Variants in MYO5A observed in about 807,000 individuals in gnomAD.
MYO5A encodes the protein myosin VA, also known as unconventional myosin-Va.
Under a neutral mutation model 249.7 loss-of-function variants are expected in MYO5A, and 98 were observed. The ratio of observed to expected loss-of-function variants is 0.39; its 90% confidence interval spans 0.33 to 0.46. The LOEUF (loss-of-function observed/expected upper bound fraction) is 0.46, where lower values mean the gene tolerates loss of function less well. Among genes scored for constraint, MYO5A ranks in the 20% least tolerant of loss-of-function variants. MYO5A has a pLI of 0.98. For synonymous variants in MYO5A, 778 were observed against 810.6 expected (o/e 0.96, Z 0.68); for missense variants, 1,696 against 2,308.8 (o/e 0.73, Z 5.44).
intron 21 of MYO5A, among the ~76,000 whole-genome samples, chr15:52,371,316 A>G (rs2041101893): frequency 6.6e-6 from 1 of 152,180 alleles, no homozygotes; most frequent in Admixed American, 6.5e-5. Flanking sequence ...CTAAAATATT[A>G]GTAACTATCT....
chr15:52,344,555 C>T (rs192910342), intron 30 of MYO5A, among the ~76,000 whole-genome samples: 2 of 152,320 alleles, frequency 1.3e-5, no homozygotes, highest in East Asian at 3.9e-4. Context: ...TCTGTCAATC[C>T]TAACTGCCAC....
rs1056360001 is a variant in MYO5A at position 52,412,219 on chromosome 15, G to T, written c.613-1743C>A. Among the ~76,000 whole-genome samples the T allele has an allele frequency of 4.6e-5, 7 of 152,264 alleles. No homozygotes were observed. In the South Asian group the frequency reaches 1.5e-3, roughly 32 times the overall value. On this transcript the variant is annotated intron_variant, in intron 5 of 41. Transcript: ENST00000399233. The stretch of plus-strand genomic sequence containing the variant: ...CAGTAACTAAGCAAGTGGAGGAAGG[G>T]TGGGCCACAGCTTCTCCTCCTTCCT...
intron 1 of MYO5A, among the ~76,000 whole-genome samples, chr15:52,476,771 C>G (rs1440938337): frequency 6.6e-6 from 1 of 152,226 alleles, no homozygotes; most frequent in Non-Finnish European, 1.5e-5. Flanking sequence ...TGCAGTTAGT[C>G]TGATGGGCTT....
chr15:52,486,853 AT>A (rs1472396568), intron 1 of MYO5A, among the ~76,000 whole-genome samples: 1 of 152,204 alleles, frequency 6.6e-6, no homozygotes, highest in Non-Finnish European at 1.5e-5. Context: ...CTGAGGCTCT[AT>A]AGAAGATTCC....
At chr15:52,417,962 T>C (rs2043590791) in intron 4 of MYO5A, among the ~76,000 whole-genome samples, 1 of 152,110 alleles carries the variant, frequency 6.6e-6, no homozygotes, top group Non-Finnish European at 1.5e-5. Flanking sequence ...CTGTAATACA[T>C]GTGATGGGGC....
At chr15:52,426,089 T>C in intron 3 of MYO5A, 115 bp from the exon 4 acceptor site, 1 of 931,440 alleles carries the variant, frequency 1.1e-6, no homozygotes, top group Non-Finnish European at 1.6e-6. Context: ...TCAATTTAGT[T>C]AATATTAAAC....
chr15:52,453,563 T>C, intron 1 of MYO5A, among the ~76,000 whole-genome samples: 1 of 152,240 alleles, frequency 6.6e-6, no homozygotes, highest in South Asian at 2.1e-4. Context: ...GAAACTGCAA[T>C]GGTGATGTGC....
At chr15:52,428,350 A>G (rs375412253) in intron 3 of MYO5A, 48 bp downstream of exon 3, 4 of 1,560,260 alleles carry the variant, frequency 2.6e-6, no homozygotes, top group Non-Finnish European at 3.5e-6. Context: ...GGCTATGTCC[A>G]TTAGAGGAAA....
At chr15:52,328,105 C>T in intron 35 of MYO5A, 99 bp from the exon 36 acceptor site, 1 of 993,482 alleles carries the variant, frequency 1.0e-6, no homozygotes, top group Non-Finnish European at 1.5e-6. Context: ...AGAGTTCAAT[C>T]ATTCAAGGTA....
intron 1 of MYO5A, among the ~76,000 whole-genome samples, chr15:52,471,552 T>A (rs993673890): frequency 6.7e-6 from 1 of 149,458 alleles, no homozygotes; most frequent in Non-Finnish European, 1.5e-5. Context: ...CCCAGCAACT[T>A]GAGGCCAGCC....
chr15:52,389,448 T>C (rs1000280512), intron 12 of MYO5A, 85 bp from the exon 13 acceptor site: 3 of 795,994 alleles, frequency 3.8e-6, no homozygotes, highest in Non-Finnish European at 5.2e-6. Context: ...GATCTTTTAT[T>C]TTTTTTTTTT....
intron 1 of MYO5A, among the ~76,000 whole-genome samples, chr15:52,503,346 G>A (rs2077196955): frequency 6.6e-6 from 1 of 152,144 alleles, no homozygotes; most frequent in Non-Finnish European, 1.5e-5. Context: ...TTTAGGCTGG[G>A]CATGGTGGCT....
Position 52,475,479 on chromosome 15 carries a change from T to C in MYO5A, c.28-42194A>G, listed in dbSNP as rs1191090970. Among the ~76,000 whole-genome samples the C allele has an allele frequency of 4.6e-5, 7 of 152,236 alleles. 1 individual carries two copies. Among genetic ancestry groups the C allele is most frequent in the Non-Finnish European group, 1.0e-4 (7 of 68,048 alleles). Reference sequence around the variant, plus strand: ...TCTCTAGTTCTTTTAATTGTGATGTTAGGGTGTCAATTTTAGATCTTTCCT... The same window carrying C: ...TCTCTAGTTCTTTTAATTGTGATGTCAGGGTGTCAATTTTAGATCTTTCCT... On this transcript the variant is annotated intron_variant, in intron 1 of 41. Coordinates refer to ENST00000399233, the MANE Select transcript of MYO5A (RefSeq NM_001382347.1).
intron 4 of MYO5A, among the ~76,000 whole-genome samples, chr15:52,417,801 C>T (rs909388208): frequency 2.6e-5 from 4 of 152,184 alleles, no homozygotes; most frequent in Non-Finnish European, 1.5e-5. Context: ...CAGATGCCAG[C>T]GCTGTGCTCT....
intron 4 of MYO5A, among the ~76,000 whole-genome samples, chr15:52,422,161 T>A (rs952074572): frequency 1.3e-5 from 2 of 152,112 alleles, no homozygotes; most frequent in African/African-American, 4.8e-5. Flanking sequence ...CAAGGACAAT[T>A]AAAATTAAAA....
Position 52,309,244 on chromosome 15 carries a change from G to GT in MYO5A, c.*4451dup, listed in dbSNP as rs1391516890. 2 of 152,252 alleles carry GT rather than the reference G, an allele frequency of 1.3e-5. No individual in the cohort carries two copies. Among genetic ancestry groups the GT allele is most frequent in the Admixed American group, 6.5e-5 (1 of 15,288 alleles). The allele number at this position is 152,252 out of a possible 1,614,324, so 9.4% of individuals were successfully genotyped here. A position where few individuals can be genotyped will look rare whatever the true frequency, so the allele number is the denominator to read the frequency against. ...TGCTACCAATTAATGCCCAAACAGA[G>GT]TATTGCATCCTCCCAGAGAGCACTG... On this transcript the variant is annotated 3_prime_UTR_variant, in exon 42 of 42. Transcript: ENST00000399233.
At chr15:52,505,821 C>T (rs1566864643) in intron 1 of MYO5A, 2 of 1,594,714 alleles carry the variant, frequency 1.3e-6, no homozygotes, top group Non-Finnish European at 1.7e-6. Context: ...CGTTTGAGGA[C>T]TATGTGCAGC....
chr15:52,527,959 T>A (rs1362657764), intron 1 of MYO5A, among the ~76,000 whole-genome samples: 2 of 152,186 alleles, frequency 1.3e-5, no homozygotes, highest in Non-Finnish European at 2.9e-5. Context: ...ACAAAGGTCA[T>A]CACAAATCTG....
intron 35 of MYO5A, 150 bp downstream of exon 35, chr15:52,330,203 G>A: frequency 9.4e-7 from 1 of 1,061,378 alleles, no homozygotes; most frequent in African/African-American, 1.6e-5. Flanking sequence ...TGCTTGGTGT[G>A]GTCAGAACAC....
Sources: allele counts gnomAD v4.1 joint callset (sites outside exome capture counted in the v4.1 genomes callset), GRCh38; gene constraint gnomAD v4.1.1; transcripts MANE v1.5; gene names NCBI Gene and HGNC (gene_info 2026-07-23, HGNC 2026-07-21).